MTUS2: variants seen among roughly 807,000 people sequenced by gnomAD.
MTUS2 encodes microtubule-associated tumor suppressor candidate 2.
In MTUS2, 40 loss-of-function variants were observed where a neutral mutation model predicts 114.1. The observed-to-expected ratio is 0.35, with a 90% confidence interval of 0.27 to 0.46. The LOEUF (loss-of-function observed/expected upper bound fraction) is 0.46. Among genes scored for constraint, MTUS2 ranks in the 20% least tolerant of loss-of-function variants. The pLI, the probability that MTUS2 is intolerant of heterozygous loss-of-function variation, is 1.00. For synonymous variants in MTUS2, 688 were observed against 672.0 expected, an observed-to-expected ratio of 1.02 and a Z score of -0.37; for missense variants, 1,679 against 1,705.4, an observed-to-expected ratio of 0.98 and a Z score of 0.27.
chr13:28,992,040 A>T (rs1344132612), intron 2 of MTUS2, among the ~76,000 whole-genome samples: 1 of 152,194 alleles, frequency 6.6e-6, no homozygotes, highest in Non-Finnish European at 1.5e-5. Context: ...TAGGAACTAC[A>T]GTCTGCTCCT....
intron 10 of MTUS2, chr13:29,482,314 T>G (rs1881248471): frequency 6.6e-6 from 1 of 152,220 alleles, no homozygotes; most frequent in Non-Finnish European, 1.5e-5. Flanking sequence ...CAGAAGCATG[T>G]GCCGAGAGAT....
intron 7 of MTUS2, among the ~76,000 whole-genome samples, chr13:29,351,429 C>T (rs2138184031): frequency 6.6e-6 from 1 of 152,242 alleles, no homozygotes; most frequent in Admixed American, 6.5e-5. Flanking sequence ...ACAAACATCC[C>T]CTGACCCTCA....
intron 2 of MTUS2, among the ~76,000 whole-genome samples, chr13:28,946,272 CGTGTGTGTGTGT>C (rs58873985): frequency 1.2e-4 from 18 of 149,132 alleles, no homozygotes; most frequent in South Asian, 2.1e-4. Flanking sequence ...TTTCTGTCTG[CGTGTGTGTGTGT>C]GTGTGTGTGT....
chr13:29,192,094 G>T (rs1454780147), intron 5 of MTUS2, among the ~76,000 whole-genome samples: 5 of 152,178 alleles, frequency 3.3e-5, no homozygotes, highest in African/African-American at 1.2e-4. Flanking sequence ...TGATACATGG[G>T]CAAAACTTAT....
intron 2 of MTUS2, among the ~76,000 whole-genome samples, chr13:28,868,468 T>A (rs1328538033): frequency 6.6e-6 from 1 of 152,188 alleles, no homozygotes; most frequent in Non-Finnish European, 1.5e-5. Flanking sequence ...GGTGTTCCTT[T>A]TGTCCAGTTT....
intron 8 of MTUS2, among the ~76,000 whole-genome samples, chr13:29,368,566 A>G (rs1374102614): frequency 3.9e-5 from 6 of 152,198 alleles, no homozygotes; most frequent in Admixed American, 3.9e-4. Flanking sequence ...GGATCATTAA[A>G]CATTCAATGC....
intron 8 of MTUS2, chr13:29,428,958 T>G: frequency 6.4e-7 from 1 of 1,561,450 alleles, no homozygotes; most frequent in Non-Finnish European, 8.8e-7. Context: ...GAGAAAGCCG[T>G]GAGCCAGCCA....
rs147192565 is a variant in MTUS2, at chr13:29,040,760, A to G, written c.2446+6635A>G. On this transcript the variant is annotated intron_variant, in intron 4 of 15. Transcript: ENST00000612955. ...TGTTTGTTGGCTATTTGTATATTTGAGAATTGTCTATTCATTTCTTTAGTC... is the reference window on the plus strand; with the variant it reads ...TGTTTGTTGGCTATTTGTATATTTGGGAATTGTCTATTCATTTCTTTAGTC... 1.3e-3 allele frequency among the ~76,000 whole-genome samples: 191 copies of G among 152,138 alleles called. 3 individuals carry two copies. Among genetic ancestry groups the G allele is most frequent in the African/African-American group, 4.2e-3 (174 of 41,514 alleles).
intron 10 of MTUS2, chr13:29,487,686 G>A (rs781211947): frequency 3.4e-6 from 2 of 581,344 alleles, no homozygotes; most frequent in African/African-American, 1.9e-5. Context: ...CCTGCCTGGA[G>A]TTGGACCCCC....
intron 5 of MTUS2, among the ~76,000 whole-genome samples, chr13:29,119,609 G>A (rs761623543): frequency 1.2e-4 from 19 of 152,090 alleles, no homozygotes; most frequent in African/African-American, 4.1e-4. Context: ...GAAAGATTCC[G>A]GTCTGATTCT....
At chr13:29,456,728 G>GA (rs200306681) in intron 9 of MTUS2, among the ~76,000 whole-genome samples, 15 of 151,528 alleles carry the variant, frequency 9.9e-5, no homozygotes, top group African/African-American at 3.1e-4. Flanking sequence ...ATGAAAGAAA[G>GA]AAAAAAAACT....
At chr13:29,266,277 A>G (rs1328926440) in intron 5 of MTUS2, among the ~76,000 whole-genome samples, 1 of 152,180 alleles carries the variant, frequency 6.6e-6, no homozygotes, top group African/African-American at 2.4e-5. Flanking sequence ...AGGATGAAAA[A>G]TGAAGCACAG....
chr13:28,926,572 T>A (rs1411452983), intron 2 of MTUS2, among the ~76,000 whole-genome samples: 2 of 152,172 alleles, frequency 1.3e-5, no homozygotes, highest in African/African-American at 4.8e-5. Flanking sequence ...ATAAACTCAG[T>A]CATGGGTACT....
At chr13:29,401,814 CATAA>C (rs1874371908) in intron 8 of MTUS2, among the ~76,000 whole-genome samples, 1 of 152,114 alleles carries the variant, frequency 6.6e-6, no homozygotes, top group African/African-American at 2.4e-5. Flanking sequence ...GAAACATTTT[CATAA>C]ATATTCTCTT....
chr13:29,162,593 C>A (rs1388853380), intron 5 of MTUS2, among the ~76,000 whole-genome samples: 1 of 152,174 alleles, frequency 6.6e-6, no homozygotes, highest in Non-Finnish European at 1.5e-5. Flanking sequence ...ACCAAGTGAT[C>A]AGTTAAAACA....
At chr13:29,347,105 C>CAA (rs1206955491) in intron 7 of MTUS2, among the ~76,000 whole-genome samples, 8 of 151,820 alleles carry the variant, frequency 5.3e-5, no homozygotes, top group African/African-American at 9.7e-5. Context: ...TTCTTGGAGC[C>CAA]AGAGTTCACA....
intron 2 of MTUS2, among the ~76,000 whole-genome samples, chr13:28,857,138 A>G (rs1488686919): frequency 6.6e-6 from 1 of 152,248 alleles, no homozygotes; most frequent in Non-Finnish European, 1.5e-5. Context: ...TTTAATTTAC[A>G]GTAGCTATTA....
intron 5 of MTUS2, among the ~76,000 whole-genome samples, chr13:29,116,131 A>G (rs986224224): frequency 2.0e-5 from 3 of 152,288 alleles, no homozygotes; most frequent in South Asian, 2.1e-4. Flanking sequence ...CCTAGGCCCC[A>G]TGTTCTCTAT....
At chr13:28,834,906 A>G (rs1229820221) in intron 1 of MTUS2, among the ~76,000 whole-genome samples, 3 of 152,228 alleles carry the variant, frequency 2.0e-5, no homozygotes, top group African/African-American at 4.8e-5. Context: ...AAGAAGATAT[A>G]CGAGTGGCCA....
Sources: gnomAD v4.1 joint callset for allele counts (sites outside exome capture counted in the v4.1 genomes callset) on GRCh38, gnomAD v4.1.1 for gene constraint, MANE v1.5 for transcripts, NCBI Gene and HGNC (gene_info 2026-07-23, HGNC 2026-07-21) for gene names.